WDFY2: variants seen among roughly 807,000 people sequenced by gnomAD.
WDFY2 encodes WD repeat and FYVE domain containing 2.
In WDFY2, 36 loss-of-function variants were observed where a neutral mutation model predicts 56.4. The ratio of observed to expected loss-of-function variants is 0.64; its 90% CI spans 0.49 to 0.84. The LOEUF is 0.84. WDFY2 is among the 40% of genes least tolerant of loss of function. The pLI, the probability that WDFY2 is intolerant of heterozygous loss-of-function variation, is 0.00. For synonymous variants in WDFY2, 176 were observed against 183.7 expected (o/e 0.96, Z 0.34); for missense variants, 444 against 512.2 (o/e 0.87, Z 1.29).
chr13:51,660,067 G>GTT (rs1955582014), intron 1 of WDFY2, among the ~76,000 whole-genome samples: 1 of 152,106 alleles, frequency 6.6e-6, no homozygotes, highest in South Asian at 2.1e-4. Flanking sequence ...TATTTAAAGA[G>GTT]TTATATATAA....
At chr13:51,673,278 G>A (rs899546469) in intron 2 of WDFY2, among the ~76,000 whole-genome samples, 2 of 152,158 alleles carry the variant, frequency 1.3e-5, no homozygotes, top group Non-Finnish European at 1.5e-5. Flanking sequence ...TCTAATTATA[G>A]CATAACCGGA....
chr13:51,609,517 CTG>C (rs1382101311), intron 1 of WDFY2, among the ~76,000 whole-genome samples: 2 of 151,830 alleles, frequency 1.3e-5, no homozygotes, highest in African/African-American at 4.8e-5. Flanking sequence ...CTCTGCAAGA[CTG>C]TAGCTCCTGG....
chr13:51,637,335 C>A (rs980451188), intron 1 of WDFY2, among the ~76,000 whole-genome samples: 2 of 151,998 alleles, frequency 1.3e-5, no homozygotes, highest in African/African-American at 4.8e-5. Context: ...ATGATAAGAT[C>A]ATGTTTTTCT....
At chr13:51,621,430 G>A (rs964767000) in intron 1 of WDFY2, among the ~76,000 whole-genome samples, 5 of 152,252 alleles carry the variant, frequency 3.3e-5, no homozygotes, top group Admixed American at 1.3e-4. Flanking sequence ...GCTTGAACCC[G>A]GGAGGCGGAG....
At chr13:51,758,352 TACAG>T in intron 11 of WDFY2, 52 bp downstream of exon 11, 1 of 1,358,034 alleles carries the variant, frequency 7.4e-7, no homozygotes, top group Non-Finnish European at 1.0e-6. Flanking sequence ...CATATAAATA[TACAG>T]GAGCACCAAG....
At chr13:51,629,692 GA>G (rs1190148067) in intron 1 of WDFY2, among the ~76,000 whole-genome samples, 1 of 152,084 alleles carries the variant, frequency 6.6e-6, no homozygotes, top group Non-Finnish European at 1.5e-5. Flanking sequence ...AAATCAAGTT[GA>G]AATAATTCTA....
chr13:51,587,866 A>G (rs1208672339), intron 1 of WDFY2: 3 of 152,214 alleles, frequency 2.0e-5, no homozygotes, highest in Non-Finnish European at 2.9e-5. Flanking sequence ...ACTGCCCTCA[A>G]TAATGGCCTG....
intron 4 of WDFY2, among the ~76,000 whole-genome samples, chr13:51,706,511 T>A (rs938333725): frequency 1.3e-5 from 2 of 152,186 alleles, no homozygotes; most frequent in Non-Finnish European, 2.9e-5. Context: ...GAACAAGACT[T>A]TCCACTAATT....
intron 10 of WDFY2, among the ~76,000 whole-genome samples, chr13:51,757,105 A>G (rs985714054): frequency 3.3e-5 from 5 of 152,212 alleles, no homozygotes; most frequent in Admixed American, 2.0e-4. Context: ...GAGGATCTGC[A>G]GGGTAGCTTG....
chr13:51,629,098 A>G (rs2138375176), intron 1 of WDFY2, among the ~76,000 whole-genome samples: 1 of 152,310 alleles, frequency 6.6e-6, no homozygotes, highest in Middle Eastern at 3.4e-3. Flanking sequence ...GTCTTGGAAA[A>G]TGCCTATGAA....
intron 11 of WDFY2, 30 bp downstream of exon 11, chr13:51,758,330 C>T: frequency 6.7e-7 from 1 of 1,498,492 alleles, no homozygotes; most frequent in South Asian, 1.2e-5. Context: ...AGAAGCTTTC[C>T]ATCTTTGGCC....
Position 51,759,816 on chromosome 13 carries a change from T to G in WDFY2, c.*47T>G. 13 of 1,579,308 alleles carry G rather than the reference T, an allele frequency of 8.2e-6. No individual in the cohort carries two copies. The highest frequency in any genetic ancestry group is 1.1e-5 in the Non-Finnish European group (13 of 1,150,628). On this transcript the variant is annotated 3_prime_UTR_variant, in exon 12 of 12. Transcript: ENST00000298125. ...AGATAGTATTTACTAAAGAAACGGT[T>G]GTTTTAACCCAAATCATTACCAGAG...
In WDFY2 at chr13:51,761,967, G is replaced by C. The variant is rs750925902; in HGVS notation, c.*2198G>C. ...CAGTCAAAACTGTTGTAACTACTTT[G>C]AGTCTTTTCTGCATGATTGCTCTTT... On this transcript the variant is annotated 3_prime_UTR_variant, in exon 12 of 12. Coordinates refer to ENST00000298125, the MANE Select transcript of WDFY2 (RefSeq NM_052950.4). The C allele has an allele frequency of 2.6e-5, 4 of 152,200 alleles. No homozygotes were observed. Among genetic ancestry groups the C allele is most frequent in the Non-Finnish European group, 5.9e-5 (4 of 68,042 alleles). 9.4% of individuals were successfully genotyped at this position (152,200 alleles called of 1,614,324 possible).
At chr13:51,634,267 T>C (rs944182722) in intron 1 of WDFY2, among the ~76,000 whole-genome samples, 1 of 151,982 alleles carries the variant, frequency 6.6e-6, no homozygotes, top group South Asian at 2.1e-4. Flanking sequence ...TAGAAGTGTT[T>C]TTTTTTTTTC....
chr13:51,743,344 C>A (rs1335432696), intron 7 of WDFY2, among the ~76,000 whole-genome samples: 2 of 152,210 alleles, frequency 1.3e-5, no homozygotes, highest in African/African-American at 4.8e-5. Flanking sequence ...CAATGGCCTG[C>A]AGCCTCAGGC....
intron 7 of WDFY2, among the ~76,000 whole-genome samples, chr13:51,746,491 C>A (rs1026677444): frequency 6.6e-6 from 1 of 152,166 alleles, no homozygotes; most frequent in African/African-American, 2.4e-5. Context: ...CTTAAAGTGG[C>A]TAGTCATATC....
At position 51,745,973 on chromosome 13, in the gene WDFY2, CTTTTTTTT is replaced by C. The variant is rs59572351; in HGVS notation, c.726-5323_726-5316del. Among the ~76,000 whole-genome samples, 15 of 100,740 alleles carry C rather than the reference CTTTTTTTT, an allele frequency of 1.5e-4. No individual in the cohort carries two copies. The East Asian group carries it at 3.0e-3, about 20-fold the overall frequency. The allele number at this position is 100,740 out of a possible 152,430, so 66.1% of individuals were successfully genotyped here. A position where few individuals can be genotyped will look rare whatever the true frequency, so the allele number is the denominator to read the frequency against. Reference sequence around the variant, plus strand: ...GACTTTTCTTTTTCTTTTTCTTTTTCTTTTTTTTTTTTTTTTTTTTTGAGACAGAGTCT... The same window carrying C: ...GACTTTTCTTTTTCTTTTTCTTTTTCTTTTTTTTTTTTTGAGACAGAGTCT... On this transcript the variant is annotated intron_variant, in intron 7 of 11. Transcript: ENST00000298125.
At chr13:51,615,562 C>T (rs937913548) in intron 1 of WDFY2, among the ~76,000 whole-genome samples, 1 of 152,100 alleles carries the variant, frequency 6.6e-6, no homozygotes, top group Non-Finnish European at 1.5e-5. Context: ...TAAACAGGCC[C>T]ACTTATTGGG....
At chr13:51,596,337 A>C (rs1954146994) in intron 1 of WDFY2, among the ~76,000 whole-genome samples, 1 of 152,142 alleles carries the variant, frequency 6.6e-6, no homozygotes, top group African/African-American at 2.4e-5. Context: ...ATTGGTTTGG[A>C]GTTTGGTTGC....
Sources: gnomAD v4.1 joint callset for allele counts (sites outside exome capture counted in the v4.1 genomes callset) on GRCh38, gnomAD v4.1.1 for gene constraint, MANE v1.5 for transcripts, NCBI Gene and HGNC (gene_info 2026-07-23, HGNC 2026-07-21) for gene names.